The following LIMS2 variants were observed in gnomAD, a reference collection of about 807,000 sequenced individuals.
LIMS2 encodes LIM and senescent cell antigen-like-containing domain protein 2.
In LIMS2, 30 loss-of-function variants were observed where a neutral mutation model predicts 45.3. That is an observed-to-expected ratio of 0.66 (90% confidence interval 0.50 to 0.90). LIMS2 has a LOEUF of 0.90. Among genes scored for constraint, LIMS2 ranks in the 40% least tolerant of loss-of-function variants. LIMS2 has a pLI of 0.00. For synonymous variants in LIMS2, 173 were observed against 188.0 expected (o/e 0.92, Z 0.65); for missense variants, 485 against 468.7 (o/e 1.03, Z -0.32).
chr2:127,645,569 G>A (rs1573767613), intron 4 of LIMS2, among the ~76,000 whole-genome samples: 1 of 152,190 alleles, frequency 6.6e-6, no homozygotes, highest in Admixed American at 6.5e-5. Context: ...GCATCCTCAC[G>A]GACAGGACAG....
At position 127,664,210 on chromosome 2, in the gene LIMS2, G is replaced by C; in HGVS notation, c.12-6648C>G. 1 of 1,060,816 alleles carries C rather than the reference G, an allele frequency of 9.4e-7. No individual in the cohort carries two copies. The highest frequency in any genetic ancestry group is 3.8e-5 in the East Asian group (1 of 26,372). 65.7% of individuals were successfully genotyped at this position (1,060,816 alleles called of 1,614,324 possible). ...ACGCCGGGGCAGAGCCCACGGCGTC[G>C]GAGGGCCCCGGTCGGGTTTCCGAGG... On this transcript the variant is annotated intron_variant, in intron 1 of 9. Coordinates refer to ENST00000355119, the MANE Select transcript of LIMS2 (RefSeq NM_001161403.3). This position sits in a 1 kb window ranked among gnomAD's most constrained non-coding sequence, Gnocchi z 5.5.
rs574404888 is a variant in LIMS2, at chr2:127,650,631, T to C, written c.359+3793A>G. ...TTGAAAGTGGGAGGTTCTGAAGGCA[T>C]TGGAGGCCTGACTTCTGGACTTCAG... On this transcript the variant is annotated intron_variant, in intron 4 of 9. Coordinates refer to ENST00000355119, the MANE Select transcript of LIMS2 (RefSeq NM_001161403.3). 6.6e-5 allele frequency: 62 copies of C among 935,988 alleles called. 1 individual carries two copies. The highest frequency in any genetic ancestry group is 4.8e-4 in the East Asian group (20 of 41,648). The allele number at this position is 935,988 out of a possible 1,614,324, so 58.0% of individuals were successfully genotyped here. A position where few individuals can be genotyped will look rare whatever the true frequency, so the allele number is the denominator to read the frequency against.
chr2:127,675,042 G>T lies in LIMS2; in HGVS notation c.-18C>A, dbSNP rs1248000599. 3 of 1,228,568 alleles carry T rather than the reference G, an allele frequency of 2.4e-6. No individual in the cohort carries two copies. The highest frequency in any genetic ancestry group is 3.0e-6 in the Non-Finnish European group (3 of 984,856). 76.1% of individuals were successfully genotyped at this position (1,228,568 alleles called of 1,614,324 possible). ...CCCGTCATGGTGGCAGCGACGCCGA[G>T]CCCTGGGTTGCCGGGGTTGCCGCGG... On this transcript the variant is annotated 5_prime_UTR_variant, in exon 1 of 10. Coordinates refer to ENST00000355119, the MANE Select transcript of LIMS2 (RefSeq NM_001161403.3).
At position 127,670,695 on chromosome 2, in the gene LIMS2, G is replaced by C. The variant is rs181230297; in HGVS notation, c.11+4319C>G. 2.8e-3 allele frequency among the ~76,000 whole-genome samples: 431 copies of C among 152,328 alleles called. 4 individuals are homozygous for C. Among genetic ancestry groups the C allele is most frequent in the Non-Finnish European group, 1.5e-3 (104 of 68,030 alleles). Reference sequence around the variant, plus strand: ...AATGCAACTACATGGCTTCTTAGAGGCTGGAACTGAGGCCCCAAGCTATGA... The same window carrying C: ...AATGCAACTACATGGCTTCTTAGAGCCTGGAACTGAGGCCCCAAGCTATGA... On this transcript the variant is annotated intron_variant, in intron 1 of 9. Transcript: ENST00000355119.
rs549915401 is a variant in LIMS2 at position 127,653,555 on chromosome 2, C to T, written c.359+869G>A. On this transcript the variant is annotated intron_variant, in intron 4 of 9. Coordinates refer to ENST00000355119, the MANE Select transcript of LIMS2 (RefSeq NM_001161403.3). The surrounding 1 kb of genome is among the most constrained non-coding windows in gnomAD (Gnocchi z 5.3). ...TGAGGGCCGGGCACGGAGCCCCAGA[C>T]GACTCCCCATGGAGAGACAGGGAGA... 9.9e-5 allele frequency among the ~76,000 whole-genome samples: 15 copies of T among 152,104 alleles called. No homozygotes were observed. The highest frequency in any genetic ancestry group is 1.6e-4 in the Non-Finnish European group (11 of 68,002).
In LIMS2 at chr2:127,665,101, C is replaced by A. The variant is rs547219839; in HGVS notation, c.12-7539G>T. 2.6e-5 allele frequency among the ~76,000 whole-genome samples: 4 copies of A among 152,230 alleles called. 1 individual carries two copies. Among genetic ancestry groups the A allele is most frequent in the African/African-American group, 9.6e-5 (4 of 41,536 alleles). On this transcript the variant is annotated intron_variant, in intron 1 of 9. Transcript: ENST00000355119. ...GGCACCATGTACCCCGCATTTTTAC[C>A]CAGAGAGACTGGCAAAGTTACTTGT...
At chr2:127,665,272 G>C (rs1684943656) in intron 1 of LIMS2, among the ~76,000 whole-genome samples, 1 of 152,168 alleles carries the variant, frequency 6.6e-6, no homozygotes, top group Non-Finnish European at 1.5e-5. Flanking sequence ...CAGAAAGCTT[G>C]AGCAGTATCT....
chr2:127,674,118 A>C, intron 1 of LIMS2: 1 of 287,162 alleles, frequency 3.5e-6, no homozygotes. Flanking sequence ...TGAGACTGCA[A>C]TCCTGGACAC....
rs1362613940 is a variant in LIMS2 at position 127,647,438 on chromosome 2, C to T, written c.360-4366G>A. The stretch of plus-strand genomic sequence containing the variant: ...TCAGCCTTGACTCCCTAACCTGCAA[C>T]ATGGGGCTAAAACTGGTTTGAGCCA... On this transcript the variant is annotated intron_variant, in intron 4 of 9. Coordinates refer to ENST00000355119, the MANE Select transcript of LIMS2 (RefSeq NM_001161403.3). The surrounding 1 kb of genome is among the most constrained non-coding windows in gnomAD (Gnocchi z 4.3). Among the ~76,000 whole-genome samples the T allele has an allele frequency of 6.6e-6, 1 of 152,184 alleles. No homozygotes were observed. Among genetic ancestry groups the T allele is most frequent in the Non-Finnish European group, 1.5e-5 (1 of 68,030 alleles).
At position 127,654,330 on chromosome 2, in the gene LIMS2, C is replaced by T. The variant is rs745885770; in HGVS notation, c.359+94G>A. On this transcript the variant is annotated intron_variant, in intron 4 of 9. Coordinates refer to ENST00000355119, the MANE Select transcript of LIMS2 (RefSeq NM_001161403.3). ...AGGCTGCAGCACCGGGACCCTTCTGCGCCCTCAGCAAGTGGGTAGCACACA... is the reference window on the plus strand; with the variant it reads ...AGGCTGCAGCACCGGGACCCTTCTGTGCCCTCAGCAAGTGGGTAGCACACA... 1,752 of 1,550,202 alleles carry T rather than the reference C, an allele frequency of 1.1e-3. 3 individuals carry two copies. Among genetic ancestry groups the T allele is most frequent in the Non-Finnish European group, 1.4e-3 (1,619 of 1,127,908 alleles).
chr2:127,652,597 T>C (rs1467453131), intron 4 of LIMS2: 1 of 166,058 alleles, frequency 6.0e-6, no homozygotes, highest in Non-Finnish European at 1.5e-5. Flanking sequence ...CTTTTTTGTA[T>C]TTGTTTGTAC....
At chr2:127,674,870 C>T in intron 1 of LIMS2, 144 bp downstream of exon 1, 1 of 1,211,460 alleles carries the variant, frequency 8.3e-7, no homozygotes, top group Non-Finnish European at 1.0e-6. Context: ...CGGGCGCTGC[C>T]GCCCCGGCAG....
At chr2:127,669,587 A>T (rs1247102457) in intron 1 of LIMS2, among the ~76,000 whole-genome samples, 2 of 152,042 alleles carry the variant, frequency 1.3e-5, no homozygotes, top group Non-Finnish European at 2.9e-5. Context: ...GCATGGTGGC[A>T]CACGCCTGTA....
chr2:127,658,946 T>C (rs1166103356), intron 1 of LIMS2, among the ~76,000 whole-genome samples: 1 of 152,150 alleles, frequency 6.6e-6, no homozygotes, highest in Non-Finnish European at 1.5e-5. Flanking sequence ...AGGGAAATGC[T>C]TGGTGAGTGA....
intron 1 of LIMS2, among the ~76,000 whole-genome samples, chr2:127,669,696 C>T (rs1304744629): frequency 6.6e-6 from 1 of 151,262 alleles, no homozygotes; most frequent in Non-Finnish European, 1.5e-5. Flanking sequence ...CCAGCCTGGG[C>T]GACACAGTGA....
chr2:127,660,902 C>T (rs1428333771), intron 1 of LIMS2, among the ~76,000 whole-genome samples: 1 of 143,374 alleles, frequency 7.0e-6, no homozygotes, highest in Admixed American at 7.4e-5. Context: ...CCGACAGTAT[C>T]GCACAAAGCG....
chr2:127,649,958 G>C, intron 4 of LIMS2: 1 of 1,468,648 alleles, frequency 6.8e-7, no homozygotes, highest in Non-Finnish European at 9.4e-7. Flanking sequence ...CTCCCAGCTG[G>C]CCTGATACCC....
At chr2:127,666,732 A>G (rs1295588893) in intron 1 of LIMS2, among the ~76,000 whole-genome samples, 1 of 152,212 alleles carries the variant, frequency 6.6e-6, no homozygotes, top group African/African-American at 2.4e-5. Flanking sequence ...GGGAGGACTC[A>G]GGAAACTTAT....
upstream of LIMS2, among the ~76,000 whole-genome samples, chr2:127,678,498 C>G (rs1469490776): frequency 6.6e-6 from 1 of 152,148 alleles, no homozygotes; most frequent in African/African-American, 2.4e-5. The surrounding 1 kb of genome is among the most constrained non-coding windows in gnomAD (Gnocchi z 5.3). Flanking sequence ...CAGGGACAGT[C>G]TGATTAGAGG....
Sources: allele counts gnomAD v4.1 joint callset (sites outside exome capture counted in the v4.1 genomes callset), GRCh38; gene constraint gnomAD v4.1.1; non-coding constraint Gnocchi (gnomAD v3.1); transcripts MANE v1.5; gene names NCBI Gene and HGNC (gene_info 2026-07-23, HGNC 2026-07-21).